Variants in FTO observed in about 807,000 individuals in gnomAD.
FTO encodes alpha-ketoglutarate-dependent dioxygenase FTO.
Under a neutral mutation model 63.9 loss-of-function variants are expected in FTO, and 47 were observed. The observed-to-expected ratio is 0.74, with a 90% CI of 0.58 to 0.94. The LOEUF (loss-of-function observed/expected upper bound fraction) is 0.94. Among genes scored for constraint, FTO ranks in the 40% least tolerant of loss-of-function variants. The pLI is 0.00. For synonymous variants in FTO, 207 were observed against 224.4 expected (o/e 0.92, Z 0.69); for missense variants, 562 against 618.1 (o/e 0.91, Z 0.96).
intron 1 of FTO, among the ~76,000 whole-genome samples, chr16:53,774,210 C>T (rs1055195601): frequency 5.3e-5 from 8 of 152,058 alleles, no homozygotes; most frequent in East Asian, 3.9e-4. Context: ...AACTGTTTGC[C>T]GTCTCTGTGC....
chr16:53,731,413 T>C (rs886419645), intron 1 of FTO, among the ~76,000 whole-genome samples: 3 of 152,190 alleles, frequency 2.0e-5, no homozygotes, highest in African/African-American at 7.2e-5. Flanking sequence ...ACTTCCAAAT[T>C]TGAAAAGTTT....
chr16:54,082,802 A>G (rs1316564907), intron 8 of FTO, among the ~76,000 whole-genome samples: 1 of 152,226 alleles, frequency 6.6e-6, no homozygotes, highest in Admixed American at 6.5e-5. Context: ...CTGACCCGCC[A>G]TGCTGCTTCA....
intron 8 of FTO, among the ~76,000 whole-genome samples, chr16:54,000,121 A>G (rs944959438): frequency 6.6e-5 from 10 of 152,154 alleles, no homozygotes; most frequent in African/African-American, 1.4e-4. Flanking sequence ...CCACCATTCA[A>G]TTGCCTCTAC....
chr16:53,753,812 G>A (rs1479771611), intron 1 of FTO, among the ~76,000 whole-genome samples: 1 of 152,200 alleles, frequency 6.6e-6, no homozygotes, highest in African/African-American at 2.4e-5. Flanking sequence ...CCCCACATCT[G>A]AAGCTTTGTC....
chr16:53,866,908 T>A (rs2080333514), intron 4 of FTO, among the ~76,000 whole-genome samples: 2 of 152,096 alleles, frequency 1.3e-5, no homozygotes, highest in South Asian at 4.1e-4. Flanking sequence ...TGCTTTGGAT[T>A]AATTTGTTCT....
At chr16:53,897,595 A>C (rs759407273) in intron 7 of FTO, among the ~76,000 whole-genome samples, 1 of 152,192 alleles carries the variant, frequency 6.6e-6, no homozygotes, top group African/African-American at 2.4e-5. Flanking sequence ...AGAGGTTTCA[A>C]ATTTTACTTG....
At chr16:53,976,403 G>A (rs1384216759) in intron 8 of FTO, among the ~76,000 whole-genome samples, 1 of 151,932 alleles carries the variant, frequency 6.6e-6, no homozygotes, top group Non-Finnish European at 1.5e-5. Flanking sequence ...TGCCTCCACT[G>A]ATTTGAAAAG....
intron 7 of FTO, among the ~76,000 whole-genome samples, chr16:53,904,791 T>C (rs755924783): frequency 3.9e-5 from 6 of 152,100 alleles, no homozygotes; most frequent in Non-Finnish European, 7.3e-5. Context: ...TGAGCCTCCT[T>C]GGCCTCTCCT....
At chr16:53,742,106 C>T (rs532465893) in intron 1 of FTO, among the ~76,000 whole-genome samples, 2 of 152,138 alleles carry the variant, frequency 1.3e-5, no homozygotes, top group South Asian at 2.1e-4. Context: ...ATAACTTCTG[C>T]GGTATTCTGT....
At chr16:53,855,211 C>G (rs1178078302) in intron 4 of FTO, among the ~76,000 whole-genome samples, 1 of 151,954 alleles carries the variant, frequency 6.6e-6, no homozygotes, top group African/African-American at 2.4e-5. Flanking sequence ...GATTTTCTAC[C>G]TACACAATCA....
intron 1 of FTO, among the ~76,000 whole-genome samples, chr16:53,796,963 A>G (rs2078088844): frequency 6.6e-6 from 1 of 152,188 alleles, no homozygotes; most frequent in Non-Finnish European, 1.5e-5. Context: ...GGTTCTGGGC[A>G]GCTACTAATC....
chr16:53,980,083 G>A (rs946631523), intron 8 of FTO, among the ~76,000 whole-genome samples: 14 of 152,146 alleles, frequency 9.2e-5, no homozygotes, highest in East Asian at 3.9e-4. Context: ...TGTGGCCTTC[G>A]TGAATCAAAA....
At chr16:54,094,718 C>T (rs1300202050) in intron 8 of FTO, among the ~76,000 whole-genome samples, 2 of 152,234 alleles carry the variant, frequency 1.3e-5, no homozygotes, top group Non-Finnish European at 2.9e-5. Context: ...CCTTCCCTCC[C>T]TCCCAGCCCC....
intron 8 of FTO, among the ~76,000 whole-genome samples, chr16:54,022,988 G>A (rs995328612): frequency 6.6e-6 from 1 of 152,222 alleles, no homozygotes; most frequent in East Asian, 1.9e-4. Flanking sequence ...TGCTAATGCA[G>A]TAAGCCTTGG....
intron 8 of FTO, among the ~76,000 whole-genome samples, chr16:54,024,940 A>G (rs2084681719): frequency 6.6e-6 from 1 of 152,234 alleles, no homozygotes; most frequent in East Asian, 1.9e-4. Flanking sequence ...TTCTGTATTT[A>G]ATGAAAAATT....
Position 54,111,751 on chromosome 16 carries a change from T to C in FTO, c.1365-11T>C, listed in dbSNP as rs201044174. On this transcript the variant is annotated splice_polypyrimidine_tract_variant and intron_variant, in intron 8 of 8. Transcript: ENST00000471389. ...CTCCCGTGGATTAATTTCCTATTTT[T>C]ACTCTTCCAGGTGCCAGTCACGAAT... The C allele has an allele frequency of 7.7e-5, 125 of 1,614,166 alleles. 1 individual carries two copies. In the East Asian group the frequency reaches 2.7e-3, roughly 35 times the overall value.
intron 1 of FTO, among the ~76,000 whole-genome samples, chr16:53,731,967 C>T (rs2076280254): frequency 6.6e-6 from 1 of 151,360 alleles, no homozygotes; most frequent in African/African-American, 2.4e-5. Flanking sequence ...CTTAGATAAA[C>T]CGCCCACCTC....
chr16:54,103,427 A>G (rs2086682935), intron 8 of FTO, among the ~76,000 whole-genome samples: 2 of 152,054 alleles, frequency 1.3e-5, no homozygotes, highest in African/African-American at 4.8e-5. Context: ...GACCCGGGGG[A>G]AAAAAAGCTG....
At chr16:54,101,534 G>A (rs1340519243) in intron 8 of FTO, among the ~76,000 whole-genome samples, 3 of 152,072 alleles carry the variant, frequency 2.0e-5, no homozygotes, top group Non-Finnish European at 2.9e-5. Flanking sequence ...GTATTCCAGG[G>A]TGTGTATATT....
Sources: gnomAD v4.1 joint callset for allele counts (sites outside exome capture counted in the v4.1 genomes callset) on GRCh38, gnomAD v4.1.1 for gene constraint, MANE v1.5 for transcripts, NCBI Gene and HGNC (gene_info 2026-07-23, HGNC 2026-07-21) for gene names.